TRIO: variants seen among roughly 807,000 people sequenced by gnomAD.
The protein encoded by TRIO is triple functional domain protein.
TRIO carries 58 observed loss-of-function variants against 351.9 expected under a neutral mutation model. The observed-to-expected ratio is 0.16, with a 90% CI of 0.13 to 0.21. TRIO has a LOEUF of 0.21. Ranked by LOEUF, TRIO falls within the 10% of genes least tolerant of loss-of-function variation. TRIO has a pLI of 1.00. For synonymous variants in TRIO, 1,758 were observed against 1,595.7 expected (o/e 1.10, Z -2.42); for missense variants, 3,201 against 4,027.8 (o/e 0.79, Z 5.56).
chr5:14,360,587 A>G (rs1744057685), intron 13 of TRIO, among the ~76,000 whole-genome samples: 1 of 152,204 alleles, frequency 6.6e-6, no homozygotes, highest in African/African-American at 2.4e-5. Flanking sequence ...CTTGGCACTC[A>G]GGCTGGGGAT....
chr5:14,232,829 A>G (rs1432690841), intron 1 of TRIO, among the ~76,000 whole-genome samples: 1 of 152,252 alleles, frequency 6.6e-6, no homozygotes. Context: ...AAGGATGAAA[A>G]TATTTAAAAC....
At chr5:14,211,208 A>G (rs1488136545) in intron 1 of TRIO, among the ~76,000 whole-genome samples, 1 of 152,240 alleles carries the variant, frequency 6.6e-6, no homozygotes, top group East Asian at 1.9e-4. Context: ...ATTTCCTCAA[A>G]AAGAGGAGAA....
intron 13 of TRIO, among the ~76,000 whole-genome samples, chr5:14,361,915 C>T (rs556915447): frequency 6.6e-6 from 1 of 152,140 alleles, no homozygotes; most frequent in African/African-American, 2.4e-5. Flanking sequence ...GTCAGGAGTT[C>T]GAGACCAGCC....
chr5:14,498,097 G>A lies in TRIO; in HGVS notation c.8056G>A (p.Glu2686Lys). 6.2e-7 allele frequency: 1 copy of A among 1,614,186 alleles called. No individual in the cohort carries two copies. Among genetic ancestry groups the A allele is most frequent in the South Asian group, 1.1e-5 (1 of 91,082 alleles). The change falls in exon 52 of 57, where the codon GAA becomes AAA. Residue 2686 changes from glutamate to lysine, a missense_variant. By Grantham distance (56) the Glu-to-Lys change is moderately conservative (BLOSUM62 1). This residue lies in a region of TRIO where 1,089 missense variants were observed against 954.9 expected (regional missense o/e 1.14). Coordinates refer to ENST00000344204, the MANE Select transcript of TRIO (RefSeq NM_007118.4). ...NPNYIYDVPP[E>K]FVIPLSEVTC... Reference sequence around the variant, plus strand: ...ACTCCTTTCCCATGCAGTTCCCCCAGAATTCGTCATTCCATTGAGTGAGGT... The same window carrying A: ...ACTCCTTTCCCATGCAGTTCCCCCAAAATTCGTCATTCCATTGAGTGAGGT...
At chr5:14,242,149 G>C (rs964847928) in intron 1 of TRIO, among the ~76,000 whole-genome samples, 1 of 152,246 alleles carries the variant, frequency 6.6e-6, no homozygotes, top group African/African-American at 2.4e-5. Flanking sequence ...CTGCCAAGTG[G>C]CAGAGACAGG....
chr5:14,233,777 GTGTTTTTTGTTTGTGTGTTT>G (rs1003239283), intron 1 of TRIO, among the ~76,000 whole-genome samples: 7 of 151,810 alleles, frequency 4.6e-5, no homozygotes, highest in Non-Finnish European at 1.0e-4. Flanking sequence ...TTTTGGTTTT[GTGTTTTTTGTTTGTGTGTTT>G]TGTTTTTTGT....
At chr5:14,277,365 A>G (rs1735624967) in intron 2 of TRIO, among the ~76,000 whole-genome samples, 1 of 152,236 alleles carries the variant, frequency 6.6e-6, no homozygotes, top group African/African-American at 2.4e-5. Context: ...TTTTTGACTA[A>G]GGCAGCATTT....
chr5:14,234,194 T>C (rs1793638387), intron 1 of TRIO, among the ~76,000 whole-genome samples: 1 of 152,192 alleles, frequency 6.6e-6, no homozygotes, highest in African/African-American at 2.4e-5. Flanking sequence ...TGTTGACTAC[T>C]TTAGGCCCAT....
In TRIO at chr5:14,389,174, C is replaced by T. The variant is rs893633314; in HGVS notation, c.3949-115C>T. 7.9e-6 allele frequency: 6 copies of T among 756,952 alleles called. No individual in the cohort carries two copies. In the African/African-American group the frequency reaches 9.2e-5, roughly 12 times the overall value. 46.9% of individuals were successfully genotyped at this position (756,952 alleles called of 1,614,324 possible). On this transcript the variant is annotated intron_variant, in intron 24 of 56. Coordinates refer to ENST00000344204, the MANE Select transcript of TRIO (RefSeq NM_007118.4). ...TTATGTTTTGTAAAAGGGTCCAGTC[C>T]TTAGTTATACTTTCACTTATACATT...
At chr5:14,358,419 C>A in intron 12 of TRIO, 72 bp downstream of exon 12, 1 of 1,559,106 alleles carries the variant, frequency 6.4e-7, no homozygotes. Context: ...CCCTTTTACT[C>A]TTGTGAGTGG....
At chr5:14,384,248 A>G (rs1746357416) in intron 21 of TRIO, among the ~76,000 whole-genome samples, 3 of 152,318 alleles carry the variant, frequency 2.0e-5, no homozygotes, top group South Asian at 4.1e-4. Context: ...CCTTCTTCCC[A>G]TAGGGCTTCC....
At chr5:14,336,950 A>G (rs1271003473) in intron 11 of TRIO, among the ~76,000 whole-genome samples, 1 of 152,164 alleles carries the variant, frequency 6.6e-6, no homozygotes, top group Non-Finnish European at 1.5e-5. Context: ...GGGGCTTTCC[A>G]TAAAGAGAGG....
intron 34 of TRIO, among the ~76,000 whole-genome samples, chr5:14,434,959 T>C (rs897663773): frequency 3.3e-5 from 5 of 152,244 alleles, no homozygotes; most frequent in African/African-American, 1.2e-4. Context: ...CTCTTAAATT[T>C]AGCTCATGCA....
At chr5:14,330,670 G>T in intron 9 of TRIO, 108 bp from the exon 10 acceptor site, 4 of 1,346,422 alleles carry the variant, frequency 3.0e-6, no homozygotes, top group African/African-American at 3.0e-5. Context: ...TTTGCTTCTT[G>T]TTTCTTACAG....
intron 7 of TRIO, 72 bp from the exon 8 acceptor site, chr5:14,304,389 C>A: frequency 6.7e-7 from 1 of 1,498,132 alleles, no homozygotes. Flanking sequence ...ATTTTCAAAA[C>A]CATGTTAAAA....
chr5:14,327,077 A>G (rs1740452979), intron 9 of TRIO, among the ~76,000 whole-genome samples: 1 of 152,254 alleles, frequency 6.6e-6, no homozygotes, highest in Non-Finnish European at 1.5e-5. Flanking sequence ...GCCCATTATA[A>G]TCCTGAGTGG....
intron 1 of TRIO, among the ~76,000 whole-genome samples, chr5:14,198,141 A>G (rs1231182872): frequency 1.3e-5 from 2 of 152,086 alleles, no homozygotes; most frequent in Non-Finnish European, 2.9e-5. Context: ...CAGTCCTACC[A>G]CTCTTACTGT....
At position 14,487,537 on chromosome 5, in the gene TRIO, C is replaced by T. The variant is rs746628613; in HGVS notation, c.6909C>T (p.Gly2303=). The T allele has an allele frequency of 1.2e-4, 36 of 293,714 alleles. No individual in the cohort carries two copies. The highest frequency in any genetic ancestry group is 3.1e-4 in the South Asian group (2 of 6,546). 18.2% of individuals were successfully genotyped at this position (293,714 alleles called of 1,614,324 possible). A position where few individuals can be genotyped will look rare whatever the true frequency, so the allele number is the denominator to read the frequency against. The part of the protein sequence containing the change: ...GGGGGGSGGS[G]GGGGSGGGGA... The stretch of plus-strand genomic sequence containing the variant: ...GCGGCGGCGGCAGCGGGGGCAGCGG[C>T]GGGGGTGGGGGCAGCGGCGGCGGCG... Residue 2303 remains glycine (G), a synonymous_variant, in exon 48 of 57, where the codon GGC becomes GGT. Coordinates refer to ENST00000344204, the MANE Select transcript of TRIO (RefSeq NM_007118.4).
At chr5:14,498,275 G>C in intron 52 of TRIO, 24 bp downstream of exon 52, 2 of 1,606,756 alleles carry the variant, frequency 1.2e-6, no homozygotes, top group Non-Finnish European at 1.7e-6. Flanking sequence ...ACTCCTGGTG[G>C]GTTTCGCTGG....
Sources: gnomAD v4.1 joint callset for allele counts (sites outside exome capture counted in the v4.1 genomes callset) on GRCh38, gnomAD v4.1.1 for gene constraint, gnomAD v4.1.1 regional missense constraint, MANE v1.5 for transcripts, NCBI Gene and HGNC (gene_info 2026-07-23, HGNC 2026-07-21) for gene names.